The following SNU13 variants were observed in gnomAD, a reference collection of about 807,000 sequenced individuals.
SNU13 encodes small nuclear ribonucleoprotein 13.
In SNU13, 2 loss-of-function variants were observed where a neutral mutation model predicts 12.4. The observed-to-expected ratio is 0.16, with a 90% CI of 0.07 to 0.51. The LOEUF (loss-of-function observed/expected upper bound fraction) is 0.51. Among genes scored for constraint, SNU13 ranks in the 20% least tolerant of loss-of-function variants. The pLI, the probability that SNU13 is intolerant of heterozygous loss-of-function variation, is 0.96. For synonymous variants in SNU13, 68 were observed against 66.5 expected (o/e 1.02, Z -0.11); for missense variants, 66 against 157.8 (o/e 0.42, Z 3.12).
intron 1 of SNU13, 108 bp downstream of exon 1, chr22:41,688,686 C>A: frequency 6.9e-7 from 1 of 1,457,110 alleles, no homozygotes. Flanking sequence ...AGACCCAACG[C>A]CGGCGGATGA....
upstream of SNU13, among the ~76,000 whole-genome samples, chr22:41,689,629 G>C (rs893223136): frequency 6.7e-6 from 1 of 150,242 alleles, no homozygotes; most frequent in Non-Finnish European, 1.5e-5. Flanking sequence ...TCGCACCACT[G>C]CACACTGCAC....
Position 41,674,342 on chromosome 22 carries a change from G to C in SNU13, c.*591C>G, listed in dbSNP as rs552075141. On this transcript the variant is annotated 3_prime_UTR_variant, in exon 3 of 3. Coordinates refer to ENST00000401959, the MANE Select transcript of SNU13 (RefSeq NM_001003796.2). The stretch of plus-strand genomic sequence containing the variant: ...TGCTACCCTCAAGGGCATGGTTGTG[G>C]GTAGGGGGAGAACATCAACATCACA... 6.5e-6 allele frequency: 1 copy of C among 154,194 alleles called. No homozygotes were observed. The highest frequency in any genetic ancestry group is 2.0e-4 in the South Asian group (1 of 4,906). The allele number at this position is 154,194 out of a possible 1,614,324, so 9.6% of individuals were successfully genotyped here.
intron 2 of SNU13, chr22:41,679,868 G>A (rs2068247514): frequency 6.5e-6 from 1 of 153,812 alleles, no homozygotes; most frequent in East Asian, 1.9e-4. Context: ...ATGTTTCTGG[G>A]AACCAAATGA....
intron 1 of SNU13, among the ~76,000 whole-genome samples, chr22:41,684,016 C>T (rs139611581): frequency 1.6e-4 from 25 of 152,196 alleles, no homozygotes; most frequent in Non-Finnish European, 3.1e-4. Context: ...AATTCTCCTA[C>T]CTCAGCCCCC....
At chr22:41,676,197 A>G (rs985514001) in intron 2 of SNU13, among the ~76,000 whole-genome samples, 1 of 152,076 alleles carries the variant, frequency 6.6e-6, no homozygotes, top group Non-Finnish European at 1.5e-5. Flanking sequence ...TACCATCTCA[A>G]TCTGCCATAA....
chr22:41,678,877 T>G (rs1331761100), intron 2 of SNU13, among the ~76,000 whole-genome samples: 1 of 152,232 alleles, frequency 6.6e-6, no homozygotes, highest in Non-Finnish European at 1.5e-5. Context: ...TCAAACACAG[T>G]TGACAAAATC....
chr22:41,683,937 C>G (rs1408261297), intron 1 of SNU13, among the ~76,000 whole-genome samples: 1 of 151,952 alleles, frequency 6.6e-6, no homozygotes, highest in Non-Finnish European at 1.5e-5. Context: ...GAGTTTTGCT[C>G]TGTTGCCCAG....
At chr22:41,689,473 T>C (rs1444358521), upstream of SNU13, among the ~76,000 whole-genome samples, 1 of 135,678 alleles carries the variant, frequency 7.4e-6, no homozygotes, top group Non-Finnish European at 1.5e-5. Context: ...ATCGAGACCA[T>C]CCTGGCTAAC....
chr22:41,674,725 T>G lies in SNU13; in HGVS notation c.*208A>C. 3 of 636,322 alleles carry G rather than the reference T, an allele frequency of 4.7e-6. No individual in the cohort carries two copies. The South Asian group carries it at 6.3e-5, about 13-fold the overall frequency. The allele number at this position is 636,322 out of a possible 1,614,324, so 39.4% of individuals were successfully genotyped here. A position where few individuals can be genotyped will look rare whatever the true frequency, so the allele number is the denominator to read the frequency against. On this transcript the variant is annotated 3_prime_UTR_variant, in exon 3 of 3. Coordinates refer to ENST00000401959, the MANE Select transcript of SNU13 (RefSeq NM_001003796.2). ...GTTCCAAAAAGGGAGGATAAAAGGATGAAGGATGGCAGAGGGAGGGAGGAA... is the reference window on the plus strand; with the variant it reads ...GTTCCAAAAAGGGAGGATAAAAGGAGGAAGGATGGCAGAGGGAGGGAGGAA...
intron 2 of SNU13, among the ~76,000 whole-genome samples, chr22:41,676,704 C>A (rs1294892610): frequency 6.6e-6 from 1 of 152,182 alleles, no homozygotes; most frequent in Non-Finnish European, 1.5e-5. Flanking sequence ...TCTAATCCAT[C>A]ATCTATCCCA....
intron 1 of SNU13, among the ~76,000 whole-genome samples, chr22:41,686,980 G>T (rs1329500581): frequency 6.7e-6 from 1 of 148,996 alleles, no homozygotes; most frequent in Non-Finnish European, 1.5e-5. Context: ...TTTTGAGACG[G>T]AGTCTCAAAC....
intron 1 of SNU13, chr22:41,682,277 T>C: frequency 6.8e-7 from 1 of 1,463,504 alleles, no homozygotes; most frequent in Non-Finnish European, 9.6e-7. Context: ...ACAGCTTTTC[T>C]GACACAGCGG....
At chr22:41,685,477 C>T (rs1236013105) in intron 1 of SNU13, among the ~76,000 whole-genome samples, 2 of 151,968 alleles carry the variant, frequency 1.3e-5, no homozygotes, top group Non-Finnish European at 2.9e-5. Context: ...CCTCAGCGTC[C>T]TGAGTAGCTG....
At chr22:41,690,327 C>A, upstream of SNU13, 1 of 701,982 alleles carries the variant, frequency 1.4e-6, no homozygotes, top group South Asian at 1.5e-5. Context: ...TTATATCACC[C>A]CATCACACAT....
At chr22:41,684,297 G>C (rs2068291763) in intron 1 of SNU13, among the ~76,000 whole-genome samples, 1 of 152,178 alleles carries the variant, frequency 6.6e-6, no homozygotes, top group African/African-American at 2.4e-5. Flanking sequence ...CCAGCAGTAT[G>C]CTCTACTTTC....
At position 41,675,121 on chromosome 22, in the gene SNU13, G is replaced by A; in HGVS notation, c.199C>T (p.Leu67=). The change falls in exon 3 of 3, where the codon CTG becomes TTG. Residue 67 remains leucine, a synonymous_variant. Transcript: ENST00000401959. ...TCTTCACACAGCAGCGGCAGGTGCA[G>A]AATGATCTCCAGTGGCTCGGCGTCT... ...AADAEPLEII[L]HLPLLCEDKN... 6.2e-7 allele frequency: 1 copy of A among 1,614,254 alleles called. No individual in the cohort carries two copies. The highest frequency in any genetic ancestry group is 8.5e-7 in the Non-Finnish European group (1 of 1,180,052).
At chr22:41,688,642 G>T (rs2068332336) in intron 1 of SNU13, 152 bp downstream of exon 1, 4 of 1,089,448 alleles carry the variant, frequency 3.7e-6, no homozygotes, top group South Asian at 4.2e-5. Context: ...GGACCCCGCC[G>T]CTGCTGGGGT....
chr22:41,684,394 T>C (rs753624859), intron 1 of SNU13, among the ~76,000 whole-genome samples: 1 of 152,196 alleles, frequency 6.6e-6, no homozygotes, highest in Non-Finnish European at 1.5e-5. Context: ...TCTACCTTTT[T>C]ATCCCGTTTC....
chr22:41,675,142 C>A lies in SNU13; in HGVS notation c.178G>T (p.Ala60Ser). 9 of 1,614,058 alleles carry A rather than the reference C, an allele frequency of 5.6e-6. No homozygotes were observed. The highest frequency in any genetic ancestry group is 7.6e-6 in the Non-Finnish European group (9 of 1,180,038). ...ISEFIVMAAD[A>S]EPLEIILHLP... The stretch of plus-strand genomic sequence containing the variant: ...TGCAGAATGATCTCCAGTGGCTCGG[C>A]GTCTGCAGCCATCACGATGAACTCA... Residue 60 changes from alanine (A) to serine (S), a missense_variant, in exon 3 of 3, where the codon GCC becomes TCC. Coordinates refer to ENST00000401959, the MANE Select transcript of SNU13 (RefSeq NM_001003796.2).
Sources: gnomAD v4.1 joint callset for allele counts (sites outside exome capture counted in the v4.1 genomes callset) on GRCh38, gnomAD v4.1.1 for gene constraint, MANE v1.5 for transcripts, NCBI Gene and HGNC (gene_info 2026-07-23, HGNC 2026-07-21) for gene names.